TRPV3: variants seen among roughly 807,000 people sequenced by gnomAD.
TRPV3 encodes transient receptor potential cation channel subfamily V member 3.
A neutral mutation model predicts 87.1 loss-of-function variants in TRPV3; 88 were observed. That is an observed-to-expected ratio of 1.01 (90% confidence interval 0.85 to 1.21). The LOEUF (loss-of-function observed/expected upper bound fraction) is 1.21. Among genes scored for constraint, TRPV3 ranks in the 50% most tolerant of loss-of-function variants. TRPV3 has a pLI of 0.00. For missense variants in TRPV3, 1,054 were observed against 1,030.1 expected (o/e 1.02, Z -0.32); for synonymous variants, 438 against 423.3 (o/e 1.03, Z -0.43).
chr17:3,531,892 G>GCGGGTACCCT (rs1336275346), intron 8 of TRPV3, among the ~76,000 whole-genome samples: 1 of 152,198 alleles, frequency 6.6e-6, no homozygotes, highest in East Asian at 1.9e-4. Flanking sequence ...AGCTGACCAG[G>GCGGGTACCCT]GAGGCGGGTA....
chr17:3,520,887 C>T (rs989921388), intron 14 of TRPV3, 86 bp downstream of exon 14: 3 of 829,936 alleles, frequency 3.6e-6, no homozygotes, highest in East Asian at 2.8e-5. Flanking sequence ...CTAATTGTTG[C>T]CAAGGCCGCC....
rs112676919 is a variant in TRPV3, at chr17:3,538,977, T to C, written c.644-3264A>G. ...ATATGTGCACCTGTGCACAGGGTCA[T>C]AGACAAGATCGTGCACTGTGACATT... On this transcript the variant is annotated intron_variant, in intron 6 of 17. Coordinates refer to ENST00000576742, the MANE Select transcript of TRPV3 (RefSeq NM_145068.4). Among the ~76,000 whole-genome samples the C allele has an allele frequency of 3.1e-3, 467 of 152,284 alleles. 6 individuals are homozygous for C. Among genetic ancestry groups the C allele is most frequent in the African/African-American group, 0.011 (440 of 41,558 alleles).
intron 11 of TRPV3, 37 bp downstream of exon 11, chr17:3,527,988 C>T (rs571594479): frequency 1.8e-5 from 27 of 1,542,000 alleles, no homozygotes; most frequent in East Asian, 1.1e-4. Context: ...CTGCCTGCCT[C>T]GCGGGGCGGT....
intron 13 of TRPV3, 103 bp from the exon 14 acceptor site, chr17:3,521,142 C>T (rs112518054): frequency 0.011 from 5,614 of 496,768 alleles, 49 homozygotes; most frequent in Middle Eastern, 0.05. Flanking sequence ...CCCTAACTGT[C>T]TCTTCACTTG....
chr17:3,555,781 G>T (rs1374241180), intron 1 of TRPV3, among the ~76,000 whole-genome samples: 2 of 152,166 alleles, frequency 1.3e-5, no homozygotes, highest in East Asian at 1.9e-4. Flanking sequence ...AGGAGTGGGG[G>T]GAGCTGCTGT....
At chr17:3,524,411 C>T in intron 12 of TRPV3, 48 bp from the exon 13 acceptor site, 1 of 1,606,816 alleles carries the variant, frequency 6.2e-7, no homozygotes, top group Middle Eastern at 1.7e-4. Context: ...TTCTCAGCAT[C>T]AGGGCAAAGA....
intron 12 of TRPV3, among the ~76,000 whole-genome samples, chr17:3,526,471 T>C (rs1184461021): frequency 1.3e-5 from 2 of 148,440 alleles, no homozygotes; most frequent in Non-Finnish European, 3.0e-5. Context: ...AGAGTAAAAC[T>C]CCACCTCAAC....
chr17:3,525,964 A>G (rs1012021394), intron 12 of TRPV3, among the ~76,000 whole-genome samples: 6 of 152,160 alleles, frequency 3.9e-5, no homozygotes, highest in East Asian at 1.9e-4. Flanking sequence ...TACAAAATCA[A>G]TATCTACTCC....
At chr17:3,531,412 T>C (rs2074348288) in intron 8 of TRPV3, among the ~76,000 whole-genome samples, 1 of 151,724 alleles carries the variant, frequency 6.6e-6, no homozygotes, top group Non-Finnish European at 1.5e-5. Flanking sequence ...TAAGGCCAGG[T>C]CTCTCCGCCC....
chr17:3,527,736 G>A (rs1463631281), intron 11 of TRPV3: 2 of 446,966 alleles, frequency 4.5e-6, no homozygotes, highest in Non-Finnish European at 8.2e-6. Context: ...AAAGAGGGCA[G>A]GTGATCGGAT....
chr17:3,550,652 G>A (rs1365337677), intron 2 of TRPV3, among the ~76,000 whole-genome samples: 4 of 149,464 alleles, frequency 2.7e-5, no homozygotes, highest in African/African-American at 9.8e-5. Context: ...AGCCTCCCCA[G>A]TAGCTGGGAC....
In TRPV3 at chr17:3,557,738, AAGG is replaced by A. The variant is rs2074646777; in HGVS notation, c.-68_-66del. The A allele has an allele frequency of 2.0e-5, 3 of 152,266 alleles. No individual in the cohort carries two copies. The highest frequency in any genetic ancestry group is 4.4e-5 in the Non-Finnish European group (3 of 68,098). 9.4% of individuals were successfully genotyped at this position (152,266 alleles called of 1,614,324 possible). A position where few individuals can be genotyped will look rare whatever the true frequency, so the allele number is the denominator to read the frequency against. On this transcript the variant is annotated 5_prime_UTR_variant, in exon 1 of 18. Coordinates refer to ENST00000576742, the MANE Select transcript of TRPV3 (RefSeq NM_145068.4). The surrounding 1 kb of genome is among the most constrained non-coding windows in gnomAD (Gnocchi z 4.5). ...TGAGATCACCGCATGTCTGGGGCCC[AAGG>A]CCCCCGGGTGGGACTGTGGCTGAGG...
Position 3,556,598 on chromosome 17 carries a change from TGGAG to T in TRPV3, c.-3+1074_-3+1077del, listed in dbSNP as rs1257381011. On this transcript the variant is annotated intron_variant, in intron 1 of 17. Transcript: ENST00000576742. The surrounding 1 kb of genome is among the most constrained non-coding windows in gnomAD (Gnocchi z 4.2). ...ATCCTACCCCAATAGGAAAGCTTCC[TGGAG>T]GAAGTTTCCGGAGCCAGGTGTCATC... 2.0e-5 allele frequency among the ~76,000 whole-genome samples: 3 copies of T among 152,136 alleles called. No individual in the cohort carries two copies. In the South Asian group the frequency reaches 6.2e-4, roughly 32 times the overall value.
rs761783585 is a variant in TRPV3 at position 3,542,608 on chromosome 17, A to G, written c.557T>C (p.Ile186Thr). 5 of 1,613,792 alleles carry G rather than the reference A, an allele frequency of 3.1e-6. No homozygotes were observed. The highest frequency in any genetic ancestry group is 3.4e-6 in the Non-Finnish European group (4 of 1,179,894). The change falls in exon 6 of 18, where the codon ATA (isoleucine) becomes ACA (threonine). Residue 186 changes from isoleucine to threonine, a missense_variant. By Grantham distance (89) the Ile-to-Thr change is moderately conservative. Coordinates refer to ENST00000576742, the MANE Select transcript of TRPV3 (RefSeq NM_145068.4). Reference sequence around the variant, plus strand: ...AGCAAAGGCAAGCAGGATCCGCACTATCTCCTTGGTGTTGGGGTTGATGTT... The same window carrying G: ...AGCAAAGGCAAGCAGGATCCGCACTGTCTCCTTGGTGTTGGGGTTGATGTT... ...LLNINPNTKEIVRILLAFAEE... is the reference protein window; with the variant it reads ...LLNINPNTKETVRILLAFAEE...
chr17:3,527,628 C>G, intron 11 of TRPV3: 1 of 253,806 alleles, frequency 3.9e-6, no homozygotes, highest in South Asian at 4.5e-5. Flanking sequence ...GACGGATGGA[C>G]AGATGGAGAG....
chr17:3,531,923 C>T (rs1367607074), intron 8 of TRPV3, among the ~76,000 whole-genome samples: 3 of 152,172 alleles, frequency 2.0e-5, no homozygotes, highest in Non-Finnish European at 2.9e-5. Context: ...GGCACAGCTG[C>T]GATTACTCAA....
rs2074629896 is a variant in TRPV3 at position 3,556,179 on chromosome 17, A to C, written c.-2-1327T>G. ...GCGACAGAGCGAGACTCCGTCTCAAAAAAAATGAAAAAAAAAAAAAATAAA... is the reference window on the plus strand; with the variant it reads ...GCGACAGAGCGAGACTCCGTCTCAACAAAAATGAAAAAAAAAAAAAATAAA... On this transcript the variant is annotated intron_variant, in intron 1 of 17. Transcript: ENST00000576742. The surrounding 1 kb of genome is among the most constrained non-coding windows in gnomAD (Gnocchi z 4.2). 1.0e-5 allele frequency among the ~76,000 whole-genome samples: 1 copy of C among 99,498 alleles called. No homozygotes were observed. Among genetic ancestry groups the C allele is most frequent in the South Asian group, 3.8e-4 (1 of 2,618 alleles). 65.3% of individuals were successfully genotyped at this position (99,498 alleles called of 152,430 possible).
chr17:3,532,133 GC>G (rs1418684937), intron 8 of TRPV3, among the ~76,000 whole-genome samples: 1 of 152,226 alleles, frequency 6.6e-6, no homozygotes, highest in Admixed American at 6.5e-5. Flanking sequence ...AAGGCTCCCA[GC>G]CAAGCCTCGA....
intron 6 of TRPV3, among the ~76,000 whole-genome samples, chr17:3,541,325 G>A (rs190374452): frequency 1.7e-4 from 26 of 152,264 alleles, no homozygotes; most frequent in African/African-American, 5.5e-4. Context: ...CCAAGATCGC[G>A]CCACTGCACT....
Sources: allele counts gnomAD v4.1 joint callset (sites outside exome capture counted in the v4.1 genomes callset), GRCh38; gene constraint gnomAD v4.1.1; non-coding constraint Gnocchi (gnomAD v3.1); transcripts MANE v1.5; gene names NCBI Gene and HGNC (gene_info 2026-07-23, HGNC 2026-07-21).